The following TMEM117 variants were observed in gnomAD, a reference collection of about 807,000 sequenced individuals.
TMEM117 encodes the protein transmembrane protein 117.
TMEM117 carries 27 observed loss-of-function variants against 52.4 expected under a neutral mutation model. The ratio of observed to expected loss-of-function variants is 0.51; its 90% CI spans 0.38 to 0.71. The LOEUF is 0.71. Ranked by LOEUF, TMEM117 falls within the 30% of genes least tolerant of loss-of-function variation. TMEM117 has a pLI of 0.00. For synonymous variants in TMEM117, 215 were observed against 206.3 expected, an observed-to-expected ratio of 1.04 and a Z score of -0.36; for missense variants, 556 against 630.5, an observed-to-expected ratio of 0.88 and a Z score of 1.26.
At chr12:44,368,833 C>A (rs538855992) in intron 6 of TMEM117, among the ~76,000 whole-genome samples, 1 of 152,250 alleles carries the variant, frequency 6.6e-6, no homozygotes, top group African/African-American at 2.4e-5. Flanking sequence ...AGATTTCATT[C>A]ATTCCTTATT....
intron 3 of TMEM117, among the ~76,000 whole-genome samples, chr12:44,080,816 G>A (rs894056365): frequency 6.6e-6 from 1 of 152,158 alleles, no homozygotes. Context: ...ATTGTCTGAT[G>A]TATTGTCTGT....
At chr12:43,879,113 T>A (rs1007997703) in intron 2 of TMEM117, among the ~76,000 whole-genome samples, 1 of 152,206 alleles carries the variant, frequency 6.6e-6, no homozygotes, top group Non-Finnish European at 1.5e-5. Context: ...TGGATACACA[T>A]ATGAACAGTT....
chr12:43,910,075 C>T (rs1264386548), intron 2 of TMEM117, among the ~76,000 whole-genome samples: 1 of 115,412 alleles, frequency 8.7e-6, no homozygotes, highest in South Asian at 3.8e-4. Flanking sequence ...CCTTGATGAA[C>T]ATTGATGCAA....
chr12:44,226,501 ATG>A lies in TMEM117; in HGVS notation c.608+15136_608+15137del, dbSNP rs56709250. ...ATAAACTATAAATATAAATATATAT[ATG>A]TGTGTGTGTGTGTGTGTGTGTACAC... On this transcript the variant is annotated intron_variant, in intron 5 of 7. Transcript: ENST00000266534. 8.9e-4 allele frequency among the ~76,000 whole-genome samples: 133 copies of A among 148,962 alleles called. 1 individual carries two copies. The East Asian group carries it at 0.011, about 12-fold the overall frequency.
chr12:43,944,871 T>C (rs887090998), intron 3 of TMEM117, among the ~76,000 whole-genome samples: 3 of 152,068 alleles, frequency 2.0e-5, no homozygotes, highest in African/African-American at 7.2e-5. Flanking sequence ...CCCAGCACTT[T>C]GGGAGGCTGA....
intron 3 of TMEM117, among the ~76,000 whole-genome samples, chr12:44,121,073 C>T (rs542818224): frequency 6.6e-6 from 1 of 152,242 alleles, no homozygotes; most frequent in African/African-American, 2.4e-5. Context: ...GAGAAGAGAG[C>T]TTGTGCAGGG....
intron 5 of TMEM117, among the ~76,000 whole-genome samples, chr12:44,241,893 A>G (rs1950067119): frequency 6.6e-6 from 1 of 151,956 alleles, no homozygotes; most frequent in South Asian, 2.1e-4. Flanking sequence ...ACTTTATAAA[A>G]TATTTTAACA....
intron 2 of TMEM117, among the ~76,000 whole-genome samples, chr12:43,924,728 T>C (rs1944750574): frequency 6.6e-6 from 1 of 152,220 alleles, no homozygotes; most frequent in African/African-American, 2.4e-5. Context: ...CTCAAGTGGC[T>C]CTTATTCATT....
rs60197476 is a variant in TMEM117 at position 44,132,243 on chromosome 12, G to A, written c.411-11282G>A. On this transcript the variant is annotated intron_variant, in intron 3 of 7. Transcript: ENST00000266534. ...GTCTTTAACCTAGACAAATAACATT[G>A]TGGATGATGGGACTCATATGTGTAT... Among the ~76,000 whole-genome samples, 754 of 146,470 alleles carry A rather than the reference G, an allele frequency of 5.1e-3. 6 individuals carry two copies. The highest frequency in any genetic ancestry group is 0.018 in the African/African-American group (715 of 39,704).
chr12:44,301,895 C>T (rs1489144781), intron 6 of TMEM117, among the ~76,000 whole-genome samples: 2 of 152,046 alleles, frequency 1.3e-5, no homozygotes, highest in Non-Finnish European at 2.9e-5. Flanking sequence ...GTGATGAGGT[C>T]ATCTGAAAGA....
At chr12:43,853,510 G>T (rs1241240916) in intron 2 of TMEM117, among the ~76,000 whole-genome samples, 3 of 152,182 alleles carry the variant, frequency 2.0e-5, no homozygotes, top group Non-Finnish European at 4.4e-5. Context: ...TCCTGACCTT[G>T]TGATCCACCT....
intron 2 of TMEM117, among the ~76,000 whole-genome samples, chr12:43,920,844 A>G (rs996252746): frequency 6.6e-6 from 1 of 152,060 alleles, no homozygotes; most frequent in African/African-American, 2.4e-5. Context: ...GTTATTTGTT[A>G]TGCTCAAAAT....
Position 43,920,975 on chromosome 12 carries a change from C to T in TMEM117, c.278-23235C>T, listed in dbSNP as rs375172334. Among the ~76,000 whole-genome samples, 7 of 152,088 alleles carry T rather than the reference C, an allele frequency of 4.6e-5. No homozygotes were observed. In the East Asian group the frequency reaches 1.4e-3, roughly 29 times the overall value. On this transcript the variant is annotated intron_variant, in intron 2 of 7. Transcript: ENST00000266534. Reference sequence around the variant, plus strand: ...AGTCCTTGATCTGCATTGTGCTTTCCACTTCTACGCTTTTACTTATCATTT... The same window carrying T: ...AGTCCTTGATCTGCATTGTGCTTTCTACTTCTACGCTTTTACTTATCATTT...
chr12:44,165,795 CT>C (rs1213028957), intron 4 of TMEM117, among the ~76,000 whole-genome samples: 1 of 152,190 alleles, frequency 6.6e-6, no homozygotes, highest in Non-Finnish European at 1.5e-5. Context: ...TAACACCCCA[CT>C]CTCAGCATTG....
the TMEM117 span, among the ~76,000 whole-genome samples, chr12:43,810,986 A>C: frequency 2.0e-4 from 30 of 152,336 alleles, no homozygotes; most frequent in East Asian, 4.8e-3. Context: ...GTTCAAAAGT[A>C]ATTTATTAAG....
intron 3 of TMEM117, among the ~76,000 whole-genome samples, chr12:44,042,787 CA>C (rs1428823449): frequency 5.3e-5 from 8 of 151,172 alleles, no homozygotes; most frequent in Non-Finnish European, 7.4e-5. Context: ...CACACACACA[CA>C]CACACACACA....
At chr12:44,284,314 A>G (rs1037309361) in intron 5 of TMEM117, among the ~76,000 whole-genome samples, 1 of 152,132 alleles carries the variant, frequency 6.6e-6, no homozygotes, top group Admixed American at 6.5e-5. Flanking sequence ...CCGTCTCAAA[A>G]AAAAAACAAC....
intron 3 of TMEM117, among the ~76,000 whole-genome samples, chr12:44,122,920 T>C (rs967099833): frequency 1.3e-5 from 2 of 152,242 alleles, no homozygotes; most frequent in Middle Eastern, 3.2e-3. Flanking sequence ...CCTTTTGGTA[T>C]GTACCCAGTA....
At chr12:44,045,466 G>A (rs796651457) in intron 3 of TMEM117, among the ~76,000 whole-genome samples, 5 of 152,308 alleles carry the variant, frequency 3.3e-5, no homozygotes, top group African/African-American at 7.2e-5. Context: ...ACTACCATCC[G>A]TGGACTCACG....
Sources: allele counts gnomAD v4.1 joint callset (sites outside exome capture counted in the v4.1 genomes callset), GRCh38; gene constraint gnomAD v4.1.1; transcripts MANE v1.5; gene names NCBI Gene and HGNC (gene_info 2026-07-23, HGNC 2026-07-21).